ZNF10: variants seen among roughly 807,000 people sequenced by gnomAD.
The protein encoded by ZNF10 is zinc finger protein 10, also known as zinc finger protein 10 (KOX 1).
ZNF10 carries 8 observed loss-of-function variants against 12.2 expected under a neutral mutation model. That is an observed-to-expected ratio of 0.66 (90% CI 0.39 to 1.18). The LOEUF (loss-of-function observed/expected upper bound fraction) is 1.18. Among genes scored for constraint, ZNF10 ranks in the 50% most tolerant of loss-of-function variants. ZNF10 has a pLI of 0.01. For synonymous variants in ZNF10, 229 were observed against 228.2 expected, an observed-to-expected ratio of 1.00 and a Z score of -0.03; for missense variants, 603 against 678.9, an observed-to-expected ratio of 0.89 and a Z score of 1.24.
chr12:133,157,053 TG>T lies in ZNF10; in HGVS notation c.*86del. 1 of 1,233,186 alleles carries T rather than the reference TG, an allele frequency of 8.1e-7. No homozygotes were observed. Among genetic ancestry groups the T allele is most frequent in the East Asian group, 2.7e-5 (1 of 36,644 alleles). 76.4% of individuals were successfully genotyped at this position (1,233,186 alleles called of 1,614,324 possible). ...AGATAAGCTGTACAAATTGAATCTATGTGGAAATGCTTTCAGTCTTGTTACT... is the reference window on the plus strand; with the variant it reads ...AGATAAGCTGTACAAATTGAATCTATTGGAAATGCTTTCAGTCTTGTTACT... On this transcript the variant is annotated 3_prime_UTR_variant, in exon 5 of 5. Coordinates refer to ENST00000248211, the MANE Select transcript of ZNF10 (RefSeq NM_015394.5).
intron 1 of ZNF10, chr12:133,144,138 T>C (rs1412819210): frequency 5.8e-6 from 1 of 171,922 alleles, no homozygotes; most frequent in East Asian, 1.5e-4. Flanking sequence ...AGGTTTGGTA[T>C]TTTTTTCCGC....
Position 133,144,450 on chromosome 12 carries a change from C to T in ZNF10, c.-43C>T. The T allele has an allele frequency of 1.9e-6, 3 of 1,607,514 alleles. No individual in the cohort carries two copies. Among genetic ancestry groups the T allele is most frequent in the Non-Finnish European group, 2.6e-6 (3 of 1,175,026 alleles). ...TTTTCCCAGCTTTGTCTCCTCAGCA[C>T]TCTGCTGTCACTCAAGGAAGTATCA... On this transcript the variant is annotated 5_prime_UTR_variant, in exon 2 of 5. Transcript: ENST00000248211.
chr12:133,151,081 G>A lies in ZNF10; in HGVS notation c.87G>A (p.Lys29=). ...TGGACTTCACCAGGGAGGAGTGGAA[G>A]CTGCTGGACACTGCTCAGCAGATCG... ...VFVDFTREEW[K]LLDTAQQIVY... Residue 29 remains lysine (K), a synonymous_variant, in exon 3 of 5, where the codon AAG becomes AAA. Transcript: ENST00000248211. The A allele has an allele frequency of 6.2e-7, 1 of 1,613,754 alleles. No homozygotes were observed. Among genetic ancestry groups the A allele is most frequent in the Non-Finnish European group, 8.5e-7 (1 of 1,179,706 alleles).
At chr12:133,138,776 A>G (rs1257654131) in intron 1 of ZNF10, among the ~76,000 whole-genome samples, 1 of 152,084 alleles carries the variant, frequency 6.6e-6, no homozygotes, top group Non-Finnish European at 1.5e-5. Flanking sequence ...AATGGCTACT[A>G]CTCTGTTCTT....
chr12:133,157,058 A>C lies in ZNF10; in HGVS notation c.*90A>C. 2.5e-6 allele frequency: 3 copies of C among 1,202,490 alleles called. No individual in the cohort carries two copies. The highest frequency in any genetic ancestry group is 3.3e-6 in the Non-Finnish European group (3 of 922,232). The allele number at this position is 1,202,490 out of a possible 1,614,324, so 74.5% of individuals were successfully genotyped here. On this transcript the variant is annotated 3_prime_UTR_variant, in exon 5 of 5. Coordinates refer to ENST00000248211, the MANE Select transcript of ZNF10 (RefSeq NM_015394.5). ...AGCTGTACAAATTGAATCTATGTGGAAATGCTTTCAGTCTTGTTACTATCC... is the reference window on the plus strand; with the variant it reads ...AGCTGTACAAATTGAATCTATGTGGCAATGCTTTCAGTCTTGTTACTATCC...
chr12:133,153,643 C>T (rs939983695), intron 4 of ZNF10, among the ~76,000 whole-genome samples: 3 of 151,964 alleles, frequency 2.0e-5, no homozygotes, highest in South Asian at 4.2e-4. Flanking sequence ...CAGGACTGGT[C>T]GGGGTGGGAT....
At chr12:133,139,541 A>G (rs976280456) in intron 1 of ZNF10, among the ~76,000 whole-genome samples, 1 of 152,254 alleles carries the variant, frequency 6.6e-6, no homozygotes, top group Non-Finnish European at 1.5e-5. Context: ...CAGGGAGTGA[A>G]ACTTTTGTGT....
chr12:133,139,662 C>T (rs1232038196), intron 1 of ZNF10, among the ~76,000 whole-genome samples: 2 of 152,018 alleles, frequency 1.3e-5, no homozygotes, highest in Admixed American at 6.5e-5. Flanking sequence ...GAATCAGGGC[C>T]ACAGCAGTAG....
At chr12:133,145,826 G>GA (rs1955972872) in intron 2 of ZNF10, among the ~76,000 whole-genome samples, 1 of 57,260 alleles carries the variant, frequency 1.7e-5, no homozygotes, top group South Asian at 6.0e-4. Flanking sequence ...CCCACAAAAA[G>GA]AAAAAAACAA....
chr12:133,141,091 G>A (rs1566345509), intron 1 of ZNF10, among the ~76,000 whole-genome samples: 1 of 152,132 alleles, frequency 6.6e-6, no homozygotes, highest in African/African-American at 2.4e-5. Flanking sequence ...TGGAGCATTG[G>A]ATAGGTCGTG....
At chr12:133,134,901 T>C (rs961161430) in intron 1 of ZNF10, among the ~76,000 whole-genome samples, 4 of 152,242 alleles carry the variant, frequency 2.6e-5, no homozygotes, top group Non-Finnish European at 5.9e-5. Context: ...GCTGTTGCTG[T>C]GCTTTCTAAC....
At chr12:133,139,531 C>T (rs983313010) in intron 1 of ZNF10, among the ~76,000 whole-genome samples, 7 of 152,120 alleles carry the variant, frequency 4.6e-5, no homozygotes, top group Non-Finnish European at 7.4e-5. Context: ...GAATTTTAAA[C>T]AGGGAGTGAA....
intron 1 of ZNF10, 78 bp from the exon 2 acceptor site, chr12:133,144,356 A>T: frequency 1.3e-6 from 1 of 745,616 alleles, no homozygotes; most frequent in Non-Finnish European, 2.2e-6. Context: ...CCCAGCTGGT[A>T]TGAAGAAGTT....
intron 1 of ZNF10, among the ~76,000 whole-genome samples, chr12:133,135,044 T>C (rs1955903046): frequency 6.6e-6 from 1 of 152,190 alleles, no homozygotes; most frequent in African/African-American, 2.4e-5. Context: ...CATCCTTCCA[T>C]GGTTACAATC....
intron 4 of ZNF10, among the ~76,000 whole-genome samples, chr12:133,154,730 T>C (rs2135465067): frequency 6.6e-6 from 1 of 152,308 alleles, no homozygotes; most frequent in East Asian, 1.9e-4. Flanking sequence ...ATAGTGCTTC[T>C]GTGATTTGGA....
chr12:133,140,828 T>C (rs1566345403), intron 1 of ZNF10, among the ~76,000 whole-genome samples: 3 of 152,212 alleles, frequency 2.0e-5, no homozygotes, highest in Non-Finnish European at 4.4e-5. Flanking sequence ...TTCAGTTTTA[T>C]GCATGGTCCC....
Position 133,155,720 on chromosome 12 carries a change from TACTC to T in ZNF10, c.476_479del (p.Thr159ArgfsTer20). The T allele has an allele frequency of 6.2e-7, 1 of 1,611,618 alleles. No homozygotes were observed. The highest frequency in any genetic ancestry group is 8.5e-7 in the Non-Finnish European group (1 of 1,179,144). ...TGGCATTCACCCAAAAGAAAGTACT[TACTC>T]AGGAGAGAGTCTCTGAAAGTGGTAA... On this transcript the variant is annotated frameshift_variant, in exon 5 of 5. Transcript: ENST00000248211. LOFTEE classifies it low-confidence loss of function (END_TRUNC).
intron 1 of ZNF10, among the ~76,000 whole-genome samples, chr12:133,142,638 A>G (rs1221886310): frequency 6.6e-6 from 1 of 152,158 alleles, no homozygotes; most frequent in East Asian, 1.9e-4. Flanking sequence ...AAAAACTACA[A>G]TGAGATGTCA....
rs763764425 is a variant in ZNF10 at position 133,151,816 on chromosome 12, G to C, written c.168G>C (p.Gln56His). Residue 56 changes from glutamine (Q) to histidine (H), a missense_variant, in exon 4 of 5, where the codon CAG becomes CAC. By Grantham distance (24) the Gln-to-His change is conservative. This residue lies in a region of ZNF10 where 393 missense variants were observed against 399.7 expected (regional missense o/e 0.98). Transcript: ENST00000248211. ...NYKNLVSLGYQLTKPDVILRL... is the reference protein window; with the variant it reads ...NYKNLVSLGYHLTKPDVILRL... ...GTCTTTCACTGTGAACAGGTTATCA[G>C]CTTACTAAGCCAGATGTGATCCTCC... 1 of 1,613,288 alleles carries C rather than the reference G, an allele frequency of 6.2e-7. No individual in the cohort carries two copies.
Sources: allele counts gnomAD v4.1 joint callset (sites outside exome capture counted in the v4.1 genomes callset), GRCh38; gene constraint gnomAD v4.1.1; regional missense constraint gnomAD v4.1.1; transcripts MANE v1.5; gene names NCBI Gene and HGNC (gene_info 2026-07-23, HGNC 2026-07-21).